Variants in ABLIM1 observed in about 807,000 individuals in gnomAD.
The protein encoded by ABLIM1 is actin binding LIM protein 1.
In ABLIM1, 40 loss-of-function variants were observed where a neutral mutation model predicts 107.0. The ratio of observed to expected loss-of-function variants is 0.37; its 90% CI spans 0.29 to 0.49. The LOEUF is 0.49. Among genes scored for constraint, ABLIM1 ranks in the 20% least tolerant of loss-of-function variants. The pLI, the probability that ABLIM1 is intolerant of heterozygous loss-of-function variation, is 0.97. For synonymous variants in ABLIM1, 357 were observed against 357.3 expected (o/e 1.00, Z 0.01); for missense variants, 857 against 1,008.5 (o/e 0.85, Z 2.04).
chr10:114,556,749 G>T (rs2068781089), intron 4 of ABLIM1, among the ~76,000 whole-genome samples: 1 of 152,126 alleles, frequency 6.6e-6, no homozygotes, highest in African/African-American at 2.4e-5. Context: ...GTTCAATGTT[G>T]CCAGGTCCCA....
chr10:114,463,097 G>A (rs559981273), intron 12 of ABLIM1: 6 of 1,334,224 alleles, frequency 4.5e-6, no homozygotes, highest in African/African-American at 4.5e-5. Flanking sequence ...GGCGGGAGTC[G>A]CTGTGGGTGG....
chr10:114,720,562 C>T (rs967155580), intron 1 of ABLIM1, among the ~76,000 whole-genome samples: 1 of 152,080 alleles, frequency 6.6e-6, no homozygotes, highest in African/African-American at 2.4e-5. Flanking sequence ...TCACAGGACC[C>T]CTAGGAGATC....
At chr10:114,704,302 C>CTCTCTCTCTCTATATATATATA (rs1380460034) in intron 1 of ABLIM1, among the ~76,000 whole-genome samples, 3 of 43,090 alleles carry the variant, frequency 7.0e-5, no homozygotes, top group African/African-American at 1.7e-4. Flanking sequence ...CTCTCTCTCT[C>CTCTCTCTCTCTATATATATATA]TATATATATA....
At chr10:114,653,355 A>C (rs932978786) in intron 1 of ABLIM1, among the ~76,000 whole-genome samples, 1 of 150,860 alleles carries the variant, frequency 6.6e-6, no homozygotes, top group Non-Finnish European at 1.5e-5. Context: ...CAGCCTGGGC[A>C]ACAAAGTGAG....
chr10:114,776,350 C>T, the ABLIM1 span, among the ~76,000 whole-genome samples: 5 of 152,166 alleles, frequency 3.3e-5, no homozygotes, highest in Non-Finnish European at 7.3e-5. Flanking sequence ...CGTGGTGGCT[C>T]ATGCCTGTAA....
intron 7 of ABLIM1, among the ~76,000 whole-genome samples, chr10:114,490,679 C>G (rs1265648638): frequency 6.6e-6 from 1 of 151,846 alleles, no homozygotes; most frequent in Non-Finnish European, 1.5e-5. Context: ...GAAGAGAATC[C>G]TCTCTCAAAG....
At chr10:114,527,898 C>T (rs982802769) in intron 6 of ABLIM1, among the ~76,000 whole-genome samples, 6 of 146,870 alleles carry the variant, frequency 4.1e-5, no homozygotes, top group Non-Finnish European at 8.9e-5. Flanking sequence ...AGTGCAGTGG[C>T]GTGATCTTGG....
Position 114,645,199 on chromosome 10 carries a change from G to T in ABLIM1, c.244+12758C>A, listed in dbSNP as rs542822841. On this transcript the variant is annotated intron_variant, in intron 1 of 22. Coordinates refer to ENST00000533213, the MANE Select transcript of ABLIM1 (RefSeq NM_002313.7). ...GTGATTACTAGAAGCATCAAAATGC[G>T]TGAGTTAATGTACCTGAAAGCAGCT... Among the ~76,000 whole-genome samples, 9 of 152,262 alleles carry T rather than the reference G, an allele frequency of 5.9e-5. No individual in the cohort carries two copies. The South Asian group carries it at 1.9e-3, about 32-fold the overall frequency.
At chr10:114,658,422 C>T (rs549827401), upstream of ABLIM1, 50 of 696,052 alleles carry the variant, frequency 7.2e-5, no homozygotes, top group East Asian at 7.9e-4. Flanking sequence ...ACCAGGAACT[C>T]GAGACTTTCA....
chr10:114,503,022 T>A (rs2060637107), intron 6 of ABLIM1, among the ~76,000 whole-genome samples: 1 of 152,218 alleles, frequency 6.6e-6, no homozygotes, highest in South Asian at 2.1e-4. Flanking sequence ...ATGTCTGACT[T>A]CTTTCACTCA....
At chr10:114,582,784 G>A (rs1169876961) in intron 2 of ABLIM1, among the ~76,000 whole-genome samples, 4 of 152,226 alleles carry the variant, frequency 2.6e-5, no homozygotes, top group East Asian at 1.9e-4. Flanking sequence ...TTCAATAAAC[G>A]GTGCTGGGAT....
chr10:114,544,075 G>C (rs1420818606), intron 6 of ABLIM1, among the ~76,000 whole-genome samples: 1 of 152,216 alleles, frequency 6.6e-6, no homozygotes, highest in Non-Finnish European at 1.5e-5. Flanking sequence ...GCGGGGAGGG[G>C]GGCCTCAGAT....
At chr10:114,448,161 C>T (rs2061325568) in intron 14 of ABLIM1, 141 bp from the exon 15 acceptor site, 1 of 1,059,472 alleles carries the variant, frequency 9.4e-7, no homozygotes, top group African/African-American at 1.6e-5. Flanking sequence ...TATCCATGGC[C>T]CAGTCACTCA....
At chr10:114,557,135 C>T (rs1364305231) in intron 4 of ABLIM1, among the ~76,000 whole-genome samples, 1 of 152,146 alleles carries the variant, frequency 6.6e-6, no homozygotes, top group East Asian at 1.9e-4. Context: ...TTTTACATCT[C>T]AGATTTACGA....
chr10:114,722,990 T>C (rs927711339), intron 1 of ABLIM1, among the ~76,000 whole-genome samples: 2 of 152,198 alleles, frequency 1.3e-5, no homozygotes, highest in Admixed American at 6.5e-5. Flanking sequence ...CATTGTACCA[T>C]AATGATTATT....
At position 114,451,634 on chromosome 10, in the gene ABLIM1, G is replaced by T; in HGVS notation, c.1584C>A (p.Tyr528Ter). 1 of 1,613,564 alleles carries T rather than the reference G, an allele frequency of 6.2e-7. No individual in the cohort carries two copies. The highest frequency in any genetic ancestry group is 8.5e-7 in the Non-Finnish European group (1 of 1,179,626). The change falls in exon 14 of 23, where the codon TAC becomes TAA. Residue 528 changes from tyrosine to a stop codon, truncating the protein, a stop_gained. Transcript: ENST00000533213. LOFTEE classifies it high-confidence loss of function. ...GAAAGCGGGTTTTACCATGCTGTTT[G>T]TAGATGGGTGGCTTTCGGTAAATGT... ...GINIYRKPPI[Y>*]KQHAALAAQS...
At chr10:114,637,069 G>T (rs956735062) in intron 1 of ABLIM1, among the ~76,000 whole-genome samples, 5 of 148,274 alleles carry the variant, frequency 3.4e-5, no homozygotes, top group Non-Finnish European at 7.4e-5. Context: ...GAGTGTGGAG[G>T]TTTGCAGATC....
chr10:114,680,852 T>C (rs2080716670), intron 1 of ABLIM1, among the ~76,000 whole-genome samples: 1 of 152,234 alleles, frequency 6.6e-6, no homozygotes, highest in Admixed American at 6.5e-5. Context: ...AGATTTATTC[T>C]GAACAGTCCC....
chr10:114,798,556 A>AACC, the ABLIM1 span, among the ~76,000 whole-genome samples: 1 of 125,996 alleles, frequency 7.9e-6, no homozygotes, highest in Non-Finnish European at 1.6e-5. Flanking sequence ...AGATGATGAG[A>AACC]CCCCCCCCCC....
Sources: allele counts gnomAD v4.1 joint callset (sites outside exome capture counted in the v4.1 genomes callset), GRCh38; gene constraint gnomAD v4.1.1; transcripts MANE v1.5; gene names NCBI Gene and HGNC (gene_info 2026-07-23, HGNC 2026-07-21).